LDB2: variants seen among roughly 807,000 people sequenced by gnomAD.
The protein encoded by LDB2 is LIM domain-binding protein 2.
Under a neutral mutation model 44.3 loss-of-function variants are expected in LDB2, and 12 were observed. The ratio of observed to expected loss-of-function variants is 0.27; its 90% confidence interval spans 0.17 to 0.44. LDB2 has a LOEUF of 0.44. LDB2 is among the 20% of genes least tolerant of loss of function. LDB2 has a pLI of 1.00. For synonymous variants in LDB2, 164 were observed against 174.8 expected, an observed-to-expected ratio of 0.94 and a Z score of 0.49; for missense variants, 344 against 473.5, an observed-to-expected ratio of 0.73 and a Z score of 2.54.
intron 1 of LDB2, among the ~76,000 whole-genome samples, chr4:16,891,228 AC>A (rs1723263684): frequency 6.6e-6 from 1 of 150,818 alleles, no homozygotes; most frequent in African/African-American, 2.4e-5. Flanking sequence ...AAAAAAAAAA[AC>A]CTTTTAGATG....
At chr4:16,735,665 T>A (rs1202896371) in intron 2 of LDB2, among the ~76,000 whole-genome samples, 1 of 152,076 alleles carries the variant, frequency 6.6e-6, no homozygotes. Context: ...GGCATGTGGA[T>A]ATCATGTGAC....
chr4:16,858,221 C>T (rs761507703), intron 1 of LDB2, among the ~76,000 whole-genome samples: 49 of 152,112 alleles, frequency 3.2e-4, no homozygotes, highest in Admixed American at 1.4e-3. Context: ...GAGTCACTTC[C>T]CAGGTTCACA....
chr4:16,702,541 A>C (rs1753685309), intron 2 of LDB2, among the ~76,000 whole-genome samples: 1 of 152,176 alleles, frequency 6.6e-6, no homozygotes, highest in Non-Finnish European at 1.5e-5. Flanking sequence ...AAGGTGAAAG[A>C]AGCTGCTTCT....
intron 2 of LDB2, among the ~76,000 whole-genome samples, chr4:16,643,776 G>T (rs1735877626): frequency 6.6e-6 from 1 of 151,920 alleles, no homozygotes; most frequent in African/African-American, 2.4e-5. Flanking sequence ...AAAAAACCCT[G>T]CCCAGTAATT....
chr4:16,832,565 G>A (rs201345133), intron 1 of LDB2, among the ~76,000 whole-genome samples: 4 of 152,186 alleles, frequency 2.6e-5, no homozygotes, highest in South Asian at 2.1e-4. Context: ...TATATTCTAA[G>A]CACATTGACA....
chr4:16,747,599 C>T (rs1416137831), intron 2 of LDB2, among the ~76,000 whole-genome samples: 2 of 152,190 alleles, frequency 1.3e-5, no homozygotes, highest in East Asian at 1.9e-4. Context: ...TAGTACTTCT[C>T]ATATATGACA....
intron 2 of LDB2, among the ~76,000 whole-genome samples, chr4:16,695,349 G>A: frequency 6.6e-6 from 1 of 151,910 alleles, no homozygotes; most frequent in East Asian, 1.9e-4. Flanking sequence ...TGGCCAACAT[G>A]GTGAAACCCT....
At position 16,533,150 on chromosome 4, in the gene LDB2, TG is replaced by T. The variant is rs1363704622; in HGVS notation, c.616-21047del. ...CAGTGGGTTGGCTTGTTACCCTAGA[TG>T]GAAGAGTCACTGGCCTGAGCCTGAA... is the stretch of plus-strand genomic sequence containing the variant. On this transcript the variant is annotated intron_variant, in intron 5 of 7. Coordinates refer to ENST00000304523, the MANE Select transcript of LDB2 (RefSeq NM_001290.5). The surrounding 1 kb of genome is among the most constrained non-coding windows in gnomAD (Gnocchi z 4.1). 2.6e-5 allele frequency among the ~76,000 whole-genome samples: 4 copies of T among 152,132 alleles called. No individual in the cohort carries two copies. Among genetic ancestry groups the T allele is most frequent in the African/African-American group, 7.2e-5 (3 of 41,436 alleles).
At chr4:16,800,078 A>G (rs1370715816) in intron 1 of LDB2, among the ~76,000 whole-genome samples, 1 of 152,150 alleles carries the variant, frequency 6.6e-6, no homozygotes, top group African/African-American at 2.4e-5. Flanking sequence ...AGCTCAAACG[A>G]GAGTGGCGGA....
intron 1 of LDB2, among the ~76,000 whole-genome samples, chr4:16,774,180 G>T (rs1418635425): frequency 1.4e-5 from 2 of 144,516 alleles, no homozygotes; most frequent in Non-Finnish European, 3.0e-5. Flanking sequence ...AAAAAAAAGG[G>T]TAACTAGTCC....
At chr4:16,851,153 C>T (rs1788153809) in intron 1 of LDB2, among the ~76,000 whole-genome samples, 1 of 151,784 alleles carries the variant, frequency 6.6e-6, no homozygotes, top group African/African-American at 2.4e-5. Flanking sequence ...AAACCACTGC[C>T]AATTTCTATG....
chr4:16,502,613 T>C lies in LDB2; in HGVS notation c.*30A>G, dbSNP rs1717807495. On this transcript the variant is annotated 3_prime_UTR_variant, in exon 8 of 8. Coordinates refer to ENST00000304523, the MANE Select transcript of LDB2 (RefSeq NM_001290.5). ...CAATTGTAATGATCACCCACGGGCC[T>C]ATTGACAGTGGATTCTGGTGCCGAT... 6.2e-7 allele frequency: 1 copy of C among 1,610,878 alleles called. No individual in the cohort carries two copies. The highest frequency in any genetic ancestry group is 1.7e-5 in the Admixed American group (1 of 59,974).
chr4:16,754,954 T>C (rs1282291975), intron 2 of LDB2, among the ~76,000 whole-genome samples: 1 of 152,202 alleles, frequency 6.6e-6, no homozygotes, highest in Non-Finnish European at 1.5e-5. Flanking sequence ...TCCTGCACCA[T>C]CCAGCCTCTC....
At chr4:16,539,337 G>T (rs2152320142) in intron 5 of LDB2, among the ~76,000 whole-genome samples, 1 of 152,212 alleles carries the variant, frequency 6.6e-6, no homozygotes, top group East Asian at 1.9e-4. Context: ...GGCATGTTTG[G>T]GAAATCATCA....
At chr4:16,558,721 T>C (rs970648068) in intron 5 of LDB2, among the ~76,000 whole-genome samples, 47 of 151,996 alleles carry the variant, frequency 3.1e-4, no homozygotes, top group Non-Finnish European at 5.1e-4. Flanking sequence ...GCCACAAAGA[T>C]ACTCCTCGAG....
chr4:16,873,810 C>T (rs1261062319), intron 1 of LDB2, among the ~76,000 whole-genome samples: 1 of 152,158 alleles, frequency 6.6e-6, no homozygotes, highest in Non-Finnish European at 1.5e-5. Context: ...TAACAATCAT[C>T]ACCACAACCA....
intron 2 of LDB2, among the ~76,000 whole-genome samples, chr4:16,688,161 T>C (rs1749716650): frequency 6.6e-6 from 1 of 152,236 alleles, no homozygotes; most frequent in Admixed American, 6.5e-5. Context: ...TTCGCATTGT[T>C]TTTGCAACTA....
chr4:16,747,390 T>C (rs1764610552), intron 2 of LDB2, among the ~76,000 whole-genome samples: 1 of 152,222 alleles, frequency 6.6e-6, no homozygotes, highest in African/African-American at 2.4e-5. Context: ...AGCGGTTTAT[T>C]TACATAATCA....
At chr4:16,663,525 A>G (rs1742176003) in intron 2 of LDB2, among the ~76,000 whole-genome samples, 1 of 152,166 alleles carries the variant, frequency 6.6e-6, no homozygotes, top group Admixed American at 6.5e-5. Flanking sequence ...AGCCTCCTCT[A>G]CATCACCTTG....
Sources: gnomAD v4.1 joint callset for allele counts (sites outside exome capture counted in the v4.1 genomes callset) on GRCh38, gnomAD v4.1.1 for gene constraint, Gnocchi (gnomAD v3.1) non-coding constraint, MANE v1.5 for transcripts, NCBI Gene and HGNC (gene_info 2026-07-23, HGNC 2026-07-21) for gene names.